Variants in DNAH1 observed in about 807,000 individuals in gnomAD.
DNAH1 encodes the protein axonemal beta dynein heavy chain 1.
DNAH1 carries 327 observed loss-of-function variants against 484.3 expected under a neutral mutation model. That is an observed-to-expected ratio of 0.68 (90% CI 0.62 to 0.74). The LOEUF is 0.74. Ranked by LOEUF, DNAH1 falls within the 30% of genes least tolerant of loss-of-function variation. DNAH1 has a pLI of 0.00. For missense variants in DNAH1, 5,052 were observed against 5,546.8 expected, an observed-to-expected ratio of 0.91 and a Z score of 2.83; for synonymous variants, 2,192 against 2,191.9, an observed-to-expected ratio of 1.00 and a Z score of 0.00.
rs1559567775 is a variant in DNAH1, at chr3:52,391,425, C to T, written c.9892-18C>T. 5.6e-6 allele frequency: 9 copies of T among 1,602,806 alleles called. No homozygotes were observed. The highest frequency in any genetic ancestry group is 3.5e-5 in the Admixed American group (2 of 57,942). On this transcript the variant is annotated intron_variant, in intron 62 of 77. Transcript: ENST00000420323. ...GTGATGCTCAGGCCACAGTACCCAC[C>T]GGTCCCACCCACCACAGACGTACAA...
intron 72 of DNAH1, 32 bp from the exon 73 acceptor site, chr3:52,396,836 C>T (rs775453471): frequency 1.2e-6 from 2 of 1,612,076 alleles, no homozygotes; most frequent in Non-Finnish European, 1.7e-6. Flanking sequence ...GGACTGGGCA[C>T]TTAGGGGAGC....
At position 52,343,825 on chromosome 3, in the gene DNAH1, G is replaced by A. The variant is rs73837052; in HGVS notation, c.1287-665G>A. Among the ~76,000 whole-genome samples, 1,354 of 152,288 alleles carry A rather than the reference G, an allele frequency of 8.9e-3. 21 individuals carry two copies. The highest frequency in any genetic ancestry group is 0.031 in the African/African-American group (1,293 of 41,546). Reference sequence around the variant, plus strand: ...ATGAGGCCTGAGCAAGCCAGGTGCCGGAACACAGCGGCATAGGCAACGTGT... The same window carrying A: ...ATGAGGCCTGAGCAAGCCAGGTGCCAGAACACAGCGGCATAGGCAACGTGT... On this transcript the variant is annotated intron_variant, in intron 8 of 77. Coordinates refer to ENST00000420323, the MANE Select transcript of DNAH1 (RefSeq NM_015512.5).
At chr3:52,389,028 G>T in intron 59 of DNAH1, 91 bp downstream of exon 59, 12 of 1,415,172 alleles carry the variant, frequency 8.5e-6, no homozygotes, top group East Asian at 2.4e-5. Flanking sequence ...TAGGCAGCCT[G>T]CAGGTGGCTC....
At chr3:52,387,003 A>G (rs1704139959) in intron 56 of DNAH1, 150 bp downstream of exon 56, 1 of 873,094 alleles carries the variant, frequency 1.1e-6, no homozygotes. Flanking sequence ...CCACACCACC[A>G]GCACCACACA....
chr3:52,370,136 A>G lies in DNAH1; in HGVS notation c.6165A>G (p.Ser2055=). The change falls in exon 39 of 78, where the codon TCA becomes TCG. Residue 2055 remains serine (S), a synonymous_variant. Coordinates refer to ENST00000420323, the MANE Select transcript of DNAH1 (RefSeq NM_015512.5). ...AATCCATCTCCTTCGTTCGGTCCTC[A>G]GTGAAGGAGGTGATCGCCTCAACCA... ...LEESISFVRS[S]VKEVIASTNC... is the part of the protein sequence containing the mutation. 3 of 1,614,000 alleles carry G rather than the reference A, an allele frequency of 1.9e-6. No homozygotes were observed. The highest frequency in any genetic ancestry group is 2.5e-6 in the Non-Finnish European group (3 of 1,179,884).
chr3:52,386,902 G>C (rs774176615), intron 56 of DNAH1, 49 bp downstream of exon 56: 1 of 1,487,288 alleles, frequency 6.7e-7, no homozygotes, highest in Admixed American at 2.3e-5. Context: ...GACAAGGCCC[G>C]CCCGGCAGGA....
At chr3:52,351,010 C>T (rs1041936436) in intron 16 of DNAH1, among the ~76,000 whole-genome samples, 4 of 152,164 alleles carry the variant, frequency 2.6e-5, no homozygotes, top group Admixed American at 1.3e-4. Context: ...CCACCATGCC[C>T]GGCTAATTTT....
chr3:52,336,253 T>A (rs1161827579), intron 8 of DNAH1, among the ~76,000 whole-genome samples: 1 of 152,174 alleles, frequency 6.6e-6, no homozygotes, highest in Non-Finnish European at 1.5e-5. Flanking sequence ...GGTCTGACAT[T>A]TAAATCTTTA....
rs568034746 is a variant in DNAH1 at position 52,358,463 on chromosome 3, G to A, written c.4087-95G>A. The A allele has an allele frequency of 6.1e-5, 80 of 1,314,200 alleles. 2 individuals are homozygous for A. The South Asian group carries it at 1.1e-3, about 18-fold the overall frequency. 81.4% of individuals were successfully genotyped at this position (1,314,200 alleles called of 1,614,324 possible). ...GAAGGCAGGGCTTTCTTCTTGAGGTGGAGGGCACCGGGCAGGCTTAGCGCT... is the reference window on the plus strand; with the variant it reads ...GAAGGCAGGGCTTTCTTCTTGAGGTAGAGGGCACCGGGCAGGCTTAGCGCT... On this transcript the variant is annotated intron_variant, in intron 24 of 77. Transcript: ENST00000420323. This position sits in a 1 kb window ranked among gnomAD's most constrained non-coding sequence, Gnocchi z 4.2.
At position 52,326,264 on chromosome 3, in the gene DNAH1, G is replaced by C. The variant is rs769805453; in HGVS notation, c.531G>C (p.Val177=). The C allele has an allele frequency of 1.3e-5, 21 of 1,612,308 alleles. No individual in the cohort carries two copies. In the African/African-American group the frequency reaches 2.7e-4, roughly 20 times the overall value. ...AGGCCTACGAGCCCAAGATGCAGGTGCCTTTCCAGGTGCTGCCAGGCCAGC... is the reference window on the plus strand; with the variant it reads ...AGGCCTACGAGCCCAAGATGCAGGTCCCTTTCCAGGTGCTGCCAGGCCAGC... The part of the protein sequence containing the change: ...PLQAYEPKMQ[V]PFQVLPGQHP... Residue 177 remains valine, a synonymous_variant, in exon 4 of 78, where the codon GTG becomes GTC. Transcript: ENST00000420323.
intron 55 of DNAH1, 33 bp from the exon 56 acceptor site, chr3:52,386,629 T>C: frequency 6.5e-7 from 1 of 1,527,692 alleles, no homozygotes; most frequent in Non-Finnish European, 8.8e-7. Flanking sequence ...CCACTGGGTC[T>C]GAGTCTTCCC....
rs1701408869 is a variant in DNAH1, at chr3:52,327,916, C to T, written c.773C>T (p.Pro258Leu). ...FDNEDFDCRT[P>L]REWINMGLEP... Reference sequence around the variant, plus strand: ...AATGAGGACTTTGACTGCCGGACTCCCAGAGAGTGGATCAACATGGGCTTG... The same window carrying T: ...AATGAGGACTTTGACTGCCGGACTCTCAGAGAGTGGATCAACATGGGCTTG... Residue 258 changes from proline (P) to leucine (L), a missense_variant, in exon 6 of 78, where the codon CCC becomes CTC. Pro to Leu is a moderately conservative substitution (Grantham distance 98). Coordinates refer to ENST00000420323, the MANE Select transcript of DNAH1 (RefSeq NM_015512.5). 9 of 1,613,862 alleles carry T rather than the reference C, an allele frequency of 5.6e-6. No individual in the cohort carries two copies. The highest frequency in any genetic ancestry group is 6.8e-6 in the Non-Finnish European group (8 of 1,179,864).
chr3:52,368,645 G>A lies in DNAH1; in HGVS notation c.5766-96G>A, dbSNP rs1703182543. The A allele has an allele frequency of 7.5e-7, 1 of 1,334,830 alleles. No homozygotes were observed. 82.7% of individuals were successfully genotyped at this position (1,334,830 alleles called of 1,614,324 possible). A position where few individuals can be genotyped will look rare whatever the true frequency, so the allele number is the denominator to read the frequency against. On this transcript the variant is annotated intron_variant, in intron 36 of 77. Transcript: ENST00000420323. The surrounding 1 kb of genome is among the most constrained non-coding windows in gnomAD (Gnocchi z 4.4). ...AACAAAGAGATTGAAGGAAAGTAGAGCCCGCCCACCCGGCGGCCAGGCTTC... is the reference window on the plus strand; with the variant it reads ...AACAAAGAGATTGAAGGAAAGTAGAACCCGCCCACCCGGCGGCCAGGCTTC...
intron 8 of DNAH1, among the ~76,000 whole-genome samples, chr3:52,336,022 G>T (rs1701732278): frequency 6.6e-6 from 1 of 151,842 alleles, no homozygotes; most frequent in Non-Finnish European, 1.5e-5. Context: ...TTAGACCTTT[G>T]TCAGATGCAT....
intron 48 of DNAH1, 42 bp downstream of exon 48, chr3:52,380,177 C>T: frequency 1.3e-6 from 2 of 1,519,094 alleles, no homozygotes; most frequent in Non-Finnish European, 1.8e-6. Context: ...GTGGGGTCCT[C>T]TTCAATCTGC....
intron 66 of DNAH1, among the ~76,000 whole-genome samples, 159 bp from the exon 67 acceptor site, chr3:52,394,306 G>A (rs1219823345): frequency 6.6e-6 from 1 of 152,276 alleles, no homozygotes; most frequent in African/African-American, 2.4e-5. Context: ...GGAAAAGGCA[G>A]GGTGGGAACA....
chr3:52,381,963 G>A lies in DNAH1; in HGVS notation c.7805+127G>A. 3 of 1,060,812 alleles carry A rather than the reference G, an allele frequency of 2.8e-6. No homozygotes were observed. Among genetic ancestry groups the A allele is most frequent in the Non-Finnish European group, 2.7e-6 (2 of 754,510 alleles). 65.7% of individuals were successfully genotyped at this position (1,060,812 alleles called of 1,614,324 possible). A position where few individuals can be genotyped will look rare whatever the true frequency, so the allele number is the denominator to read the frequency against. ...TGAAGTAGGCCCGTGCAGCCTACAG[G>A]CTTCTGGAAAGACTAGTAGCAGGAT... On this transcript the variant is annotated intron_variant, in intron 49 of 77. Transcript: ENST00000420323. The surrounding 1 kb of genome is among the most constrained non-coding windows in gnomAD (Gnocchi z 4.1).
chr3:52,327,801 C>T (rs1431428272), intron 5 of DNAH1, 81 bp from the exon 6 acceptor site: 1 of 1,550,366 alleles, frequency 6.5e-7, no homozygotes, highest in African/African-American at 1.4e-5. Flanking sequence ...ACTTAGGCAC[C>T]CCATCCTTTG....
In DNAH1 at chr3:52,361,651, C is replaced by T; in HGVS notation, c.4875-10C>T. Reference sequence around the variant, plus strand: ...ACATGTGCCCCATCCAATGTTCCGGCCTCACTCAGTGCTGGGGCCTGGGCC... The same window carrying T: ...ACATGTGCCCCATCCAATGTTCCGGTCTCACTCAGTGCTGGGGCCTGGGCC... On this transcript the variant is annotated splice_polypyrimidine_tract_variant and intron_variant, in intron 29 of 77. Transcript: ENST00000420323. The surrounding 1 kb of genome is among the most constrained non-coding windows in gnomAD (Gnocchi z 5.6). The T allele has an allele frequency of 6.3e-7, 1 of 1,595,292 alleles. No individual in the cohort carries two copies. Among genetic ancestry groups the T allele is most frequent in the African/African-American group, 1.3e-5 (1 of 74,714 alleles).
Sources: gnomAD v4.1 joint callset for allele counts (sites outside exome capture counted in the v4.1 genomes callset) on GRCh38, gnomAD v4.1.1 for gene constraint, Gnocchi (gnomAD v3.1) non-coding constraint, MANE v1.5 for transcripts, NCBI Gene and HGNC (gene_info 2026-07-23, HGNC 2026-07-21) for gene names.